The following CAMK2G variants were observed in gnomAD, a reference collection of about 807,000 sequenced individuals.
CAMK2G encodes calcium/calmodulin-dependent protein kinase type II subunit gamma.
Under a neutral mutation model 88.7 loss-of-function variants are expected in CAMK2G, and 23 were observed. The observed-to-expected ratio is 0.26, with a 90% CI of 0.19 to 0.37. The LOEUF (loss-of-function observed/expected upper bound fraction) is 0.37. Ranked by LOEUF, CAMK2G falls within the 10% of genes least tolerant of loss-of-function variation. The pLI is 1.00. For missense variants in CAMK2G, 476 were observed against 780.8 expected (o/e 0.61, Z 4.65); for synonymous variants, 263 against 294.8 (o/e 0.89, Z 1.11).
rs1280751360 is a variant in CAMK2G, at chr10:73,849,439, TCA to T, written c.342-108_342-107del. 33 of 710,704 alleles carry T rather than the reference TCA, an allele frequency of 4.6e-5. No individual in the cohort carries two copies. The African/African-American group carries it at 5.3e-4, about 11-fold the overall frequency. 44.0% of individuals were successfully genotyped at this position (710,704 alleles called of 1,614,324 possible). On this transcript the variant is annotated intron_variant, in intron 5 of 22. Coordinates refer to ENST00000423381, the MANE Select transcript of CAMK2G (RefSeq NM_001367534.1). ...AGGCATGTGACAAGGGGCCACGGAT[TCA>T]CAGAGAATCACTTAACGGCCACTGG...
At chr10:73,829,313 T>TA in intron 14 of CAMK2G, among the ~76,000 whole-genome samples, 1 of 151,056 alleles carries the variant, frequency 6.6e-6, no homozygotes, top group African/African-American at 2.4e-5. Context: ...TTTATTTATT[T>TA]TTAGGGAGTC....
intron 14 of CAMK2G, among the ~76,000 whole-genome samples, chr10:73,833,819 G>A (rs1258896532): frequency 1.3e-5 from 2 of 149,108 alleles, no homozygotes; most frequent in Admixed American, 6.7e-5. Context: ...GGCTGGTCTC[G>A]AACTCCTGGC....
chr10:73,873,329 G>A (rs1319530195), intron 1 of CAMK2G: 11 of 1,353,206 alleles, frequency 8.1e-6, no homozygotes, highest in Non-Finnish European at 1.1e-5. Context: ...CCTGGGCAAG[G>A]CAACAGCCTC....
At chr10:73,840,308 C>T (rs1051957814) in intron 12 of CAMK2G, among the ~76,000 whole-genome samples, 8 of 152,180 alleles carry the variant, frequency 5.3e-5, no homozygotes, top group Admixed American at 2.6e-4. Flanking sequence ...CTGGAGGCCC[C>T]GATTCGCTGT....
At chr10:73,852,943 G>C in intron 4 of CAMK2G, 1 of 560,886 alleles carries the variant, frequency 1.8e-6, no homozygotes, top group South Asian at 2.2e-5. Flanking sequence ...AGGCATCTGT[G>C]CAAGGCGTGC....
At chr10:73,867,747 C>G (rs901479552) in intron 2 of CAMK2G, among the ~76,000 whole-genome samples, 1 of 152,066 alleles carries the variant, frequency 6.6e-6, no homozygotes, top group African/African-American at 2.4e-5. Context: ...AGCTTGGGGC[C>G]TAGATGGAGA....
At chr10:73,815,945 C>A in intron 21 of CAMK2G, 1 of 985,390 alleles carries the variant, frequency 1.0e-6, no homozygotes, top group Non-Finnish European at 1.2e-6. Context: ...TACATGACAC[C>A]TTCCTAGTAC....
intron 5 of CAMK2G, 125 bp from the exon 6 acceptor site, chr10:73,849,458 G>A (rs1474846620): frequency 9.0e-6 from 6 of 664,466 alleles, no homozygotes; most frequent in Non-Finnish European, 1.4e-5. Context: ...ATCACTTAAC[G>A]GCCACTGGAA....
intron 2 of CAMK2G, among the ~76,000 whole-genome samples, chr10:73,865,689 G>A (rs577111314): frequency 1.3e-5 from 2 of 152,324 alleles, no homozygotes; most frequent in Admixed American, 6.5e-5. Context: ...CAAAAAGGGC[G>A]AGGCCACTGA....
At chr10:73,819,784 G>A in intron 18 of CAMK2G, 139 bp from the exon 19 acceptor site, 1 of 606,152 alleles carries the variant, frequency 1.6e-6, no homozygotes. Context: ...CTCGCCTCAG[G>A]CTGCTGTGGA....
At chr10:73,853,338 G>A in intron 3 of CAMK2G, 92 bp from the exon 4 acceptor site, 1 of 1,155,540 alleles carries the variant, frequency 8.7e-7, no homozygotes, top group Admixed American at 1.9e-5. Flanking sequence ...GCCCCATCCT[G>A]TCGGGCTCAC....
chr10:73,872,851 A>C (rs973534614), intron 2 of CAMK2G, 138 bp downstream of exon 2: 2 of 720,250 alleles, frequency 2.8e-6, no homozygotes, highest in Admixed American at 2.0e-5. Context: ...TCAGCCTGAC[A>C]CAAAGTCCAA....
chr10:73,867,022 T>C (rs968926276), intron 2 of CAMK2G, among the ~76,000 whole-genome samples: 5 of 152,136 alleles, frequency 3.3e-5, no homozygotes, highest in Non-Finnish European at 5.9e-5. Flanking sequence ...AGCAGGACCA[T>C]GGTTTCTAAT....
At chr10:73,823,952 TCAGGGTG>T in intron 17 of CAMK2G, 81 bp downstream of exon 17, 1 of 1,014,362 alleles carries the variant, frequency 9.9e-7, no homozygotes. Flanking sequence ...CACCTTGGCC[TCAGGGTG>T]CAGCCTGTAG....
chr10:73,842,025 G>T lies in CAMK2G; in HGVS notation c.946+144C>A. 1 of 712,268 alleles carries T rather than the reference G, an allele frequency of 1.4e-6. No individual in the cohort carries two copies. The highest frequency in any genetic ancestry group is 1.6e-5 in the South Asian group (1 of 63,106). The allele number at this position is 712,268 out of a possible 1,614,324, so 44.1% of individuals were successfully genotyped here. ...GGAGCAGGACTCAGCAGCAGCAGCA[G>T]CCCCTCAAAACAGGATCCTCACTCG... On this transcript the variant is annotated intron_variant, in intron 12 of 22. Transcript: ENST00000423381. This position sits in a 1 kb window ranked among gnomAD's most constrained non-coding sequence, Gnocchi z 4.6.
chr10:73,819,106 C>T (rs1159887587), intron 19 of CAMK2G, among the ~76,000 whole-genome samples: 1 of 152,064 alleles, frequency 6.6e-6, no homozygotes, highest in Non-Finnish European at 1.5e-5. Context: ...TGCCTCTGAC[C>T]CCATGCTCTT....
At chr10:73,849,618 T>A (rs976179301) in intron 5 of CAMK2G, among the ~76,000 whole-genome samples, 3 of 152,184 alleles carry the variant, frequency 2.0e-5, no homozygotes, top group African/African-American at 7.2e-5. Context: ...ACCAACTCAT[T>A]TCCAAGAGAT....
chr10:73,842,578 A>G lies in CAMK2G; in HGVS notation c.820-37T>C. 6.8e-7 allele frequency: 1 copy of G among 1,476,770 alleles called. No homozygotes were observed. Among genetic ancestry groups the G allele is most frequent in the East Asian group, 2.3e-5 (1 of 44,232 alleles). 91.5% of individuals were successfully genotyped at this position (1,476,770 alleles called of 1,614,324 possible). A position where few individuals can be genotyped will look rare whatever the true frequency, so the allele number is the denominator to read the frequency against. On this transcript the variant is annotated intron_variant, in intron 10 of 22. Transcript: ENST00000423381. The surrounding 1 kb of genome is among the most constrained non-coding windows in gnomAD (Gnocchi z 4.6). ...ACAGACAGGCTATGAGCCCCAGCCC[A>G]GATCCTCTGCGCCTCCCACAGTCCT...
Position 73,856,420 on chromosome 10 carries a change from G to A in CAMK2G, c.221-3174C>T, listed in dbSNP as rs140834084. On this transcript the variant is annotated intron_variant, in intron 3 of 22. Coordinates refer to ENST00000423381, the MANE Select transcript of CAMK2G (RefSeq NM_001367534.1). ...TACCTGTGGCCATTCTGACTGGCTC[G>A]ACAATGTCCACTGGGCAGCTACCCC... Among the ~76,000 whole-genome samples, 468 of 152,314 alleles carry A rather than the reference G, an allele frequency of 3.1e-3. 1 individual carries two copies. Among genetic ancestry groups the A allele is most frequent in the African/African-American group, 0.011 (449 of 41,562 alleles).
Sources: gnomAD v4.1 joint callset for allele counts (sites outside exome capture counted in the v4.1 genomes callset) on GRCh38, gnomAD v4.1.1 for gene constraint, Gnocchi (gnomAD v3.1) non-coding constraint, MANE v1.5 for transcripts, NCBI Gene and HGNC (gene_info 2026-07-23, HGNC 2026-07-21) for gene names.